Variants in EHD2 observed in about 807,000 individuals in gnomAD.
The protein encoded by EHD2 is EH domain-containing protein 2.
A neutral mutation model predicts 41.0 loss-of-function variants in EHD2; 27 were observed. The ratio of observed to expected loss-of-function variants is 0.66; its 90% CI spans 0.49 to 0.91. The LOEUF is 0.91. EHD2 is among the 40% of genes least tolerant of loss of function. The pLI is 0.00. For synonymous variants in EHD2, 342 were observed against 341.0 expected (o/e 1.00, Z -0.03); for missense variants, 673 against 773.9 (o/e 0.87, Z 1.55).
At chr19:47,732,448 T>G (rs1966882991) in intron 4 of EHD2, among the ~76,000 whole-genome samples, 1 of 151,978 alleles carries the variant, frequency 6.6e-6, no homozygotes, top group Non-Finnish European at 1.5e-5. Context: ...AGACAAAGGC[T>G]CGCTGTGTCG....
rs571409349 is a variant in EHD2, at chr19:47,733,256, G to A, written c.916-3113G>A. Among the ~76,000 whole-genome samples, 572 of 148,066 alleles carry A rather than the reference G, an allele frequency of 3.9e-3. 6 individuals carry two copies. Among genetic ancestry groups the A allele is most frequent in the African/African-American group, 0.014 (554 of 40,348 alleles). On this transcript the variant is annotated intron_variant, in intron 4 of 5. Transcript: ENST00000263277. ...CTGGGGCTCCTTTTTTTTTTTTTGAGACAGTGTCTTGCTCTGTCACCCAGG... is the reference window on the plus strand; with the variant it reads ...CTGGGGCTCCTTTTTTTTTTTTTGAAACAGTGTCTTGCTCTGTCACCCAGG...
chr19:47,719,909 G>T lies in EHD2; in HGVS notation c.502+1303G>T, dbSNP rs1048293447. On this transcript the variant is annotated intron_variant, in intron 3 of 5. Transcript: ENST00000263277. The surrounding 1 kb of genome is among the most constrained non-coding windows in gnomAD (Gnocchi z 4.1). ...TCCCTCCCTGGCCTTGAGGATAGAG[G>T]AAGAGGAGGAGAGAGTGTCCAGCTG... Among the ~76,000 whole-genome samples the T allele has an allele frequency of 1.3e-4, 20 of 151,612 alleles. No individual in the cohort carries two copies. The highest frequency in any genetic ancestry group is 2.8e-4 in the Non-Finnish European group (19 of 67,916).
chr19:47,741,364 C>T lies in EHD2; in HGVS notation c.1564C>T (p.Leu522=). The T allele has an allele frequency of 5.0e-6, 8 of 1,608,070 alleles. No homozygotes were observed. The highest frequency in any genetic ancestry group is 6.8e-6 in the Non-Finnish European group (8 of 1,179,346). ...LIEAKLEGHG[L]PANLPRRLVP... ...CGAGGCCAAGCTGGAAGGCCACGGG[C>T]TGCCCGCCAACCTGCCCCGTCGCCT... Residue 522 remains leucine (L), a synonymous_variant, in exon 6 of 6, where the codon CTG becomes TTG. Transcript: ENST00000263277. The surrounding 1 kb of genome is among the most constrained non-coding windows in gnomAD (Gnocchi z 4.5).
chr19:47,740,693 C>G (rs1426105201), intron 5 of EHD2, among the ~76,000 whole-genome samples, 188 bp from the exon 6 acceptor site: 1 of 152,114 alleles, frequency 6.6e-6, no homozygotes, highest in Non-Finnish European at 1.5e-5. Flanking sequence ...TTGCAGTGAG[C>G]CGAGATTGTG....
At chr19:47,739,427 C>A (rs1199303121) in intron 5 of EHD2, among the ~76,000 whole-genome samples, 1 of 148,188 alleles carries the variant, frequency 6.7e-6, no homozygotes, top group Non-Finnish European at 1.5e-5. Flanking sequence ...ATGGCGAAAC[C>A]CCATCTCTAC....
In EHD2 at chr19:47,728,551, CTCTTTCTTTT is replaced by C. The variant is rs987973216; in HGVS notation, c.915+2337_915+2346del. 4.7e-5 allele frequency among the ~76,000 whole-genome samples: 7 copies of C among 149,872 alleles called. No homozygotes were observed. The South Asian group carries it at 6.3e-4, about 14-fold the overall frequency. ...TCTCTTTCTCTCTTTCTTTCTCTTTCTCTTTCTTTTTCTTTCTTTCTTTTTTTTTTTTTTT... is the reference window on the plus strand; with the variant it reads ...TCTCTTTCTCTCTTTCTTTCTCTTTCTCTTTCTTTCTTTTTTTTTTTTTTT... On this transcript the variant is annotated intron_variant, in intron 4 of 5. Transcript: ENST00000263277.
At position 47,725,987 on chromosome 19, in the gene EHD2, G is replaced by T; in HGVS notation, c.678G>T (p.Thr226=). ...VVLNKADMVE[T]QQLMRVYGAL... ...TCAACAAGGCCGACATGGTGGAGAC[G>T]CAGCAGCTGATGCGCGTCTACGGCG... Residue 226 remains threonine, a synonymous_variant, in exon 4 of 6, where the codon ACG becomes ACT. Coordinates refer to ENST00000263277, the MANE Select transcript of EHD2 (RefSeq NM_014601.4). 4 of 1,611,162 alleles carry T rather than the reference G, an allele frequency of 2.5e-6. No homozygotes were observed. Among genetic ancestry groups the T allele is most frequent in the Non-Finnish European group, 3.4e-6 (4 of 1,177,972 alleles).
At chr19:47,737,002 C>G (rs1007302726) in intron 5 of EHD2, among the ~76,000 whole-genome samples, 51 of 152,092 alleles carry the variant, frequency 3.4e-4, no homozygotes, top group African/African-American at 1.2e-3. Flanking sequence ...GAGGCCGAGG[C>G]GGGCGGATCA....
Position 47,736,257 on chromosome 19 carries a change from C to T in EHD2, c.916-112C>T, listed in dbSNP as rs572613748. On this transcript the variant is annotated intron_variant, in intron 4 of 5. Transcript: ENST00000263277. ...ATAAAAGAAATACAAATTCTCATGC[C>T]CCAGCCCAGACCAAGTAAATCAGAA... 7.0e-4 allele frequency: 688 copies of T among 977,414 alleles called. 1 individual carries two copies. The highest frequency in any genetic ancestry group is 9.4e-4 in the Non-Finnish European group (625 of 666,990). 60.5% of individuals were successfully genotyped at this position (977,414 alleles called of 1,614,324 possible).
Position 47,741,729 on chromosome 19 carries a change from G to C in EHD2, c.*297G>C. 1 of 601,374 alleles carries C rather than the reference G, an allele frequency of 1.7e-6. No homozygotes were observed. Among genetic ancestry groups the C allele is most frequent in the South Asian group, 1.6e-5 (1 of 61,304 alleles). The allele number at this position is 601,374 out of a possible 1,614,324, so 37.3% of individuals were successfully genotyped here. On this transcript the variant is annotated 3_prime_UTR_variant, in exon 6 of 6. Transcript: ENST00000263277. The surrounding 1 kb of genome is among the most constrained non-coding windows in gnomAD (Gnocchi z 4.5). ...TCCGTCATTCATTCAAATATTTATT[G>C]AGCACCTACTATGTGCCCAGCCCTG...
At chr19:47,731,008 C>G (rs893323095) in intron 4 of EHD2, among the ~76,000 whole-genome samples, 2 of 151,054 alleles carry the variant, frequency 1.3e-5, no homozygotes, top group Admixed American at 1.3e-4. Context: ...GAGGGGCTGG[C>G]GAGGGACTAT....
chr19:47,730,473 C>T (rs1469007433), intron 4 of EHD2, among the ~76,000 whole-genome samples: 1 of 152,080 alleles, frequency 6.6e-6, no homozygotes, highest in Non-Finnish European at 1.5e-5. Flanking sequence ...GGCTCACTGC[C>T]CCTCCTTTGC....
intron 5 of EHD2, among the ~76,000 whole-genome samples, chr19:47,738,957 G>A (rs544486482): frequency 3.3e-5 from 5 of 152,164 alleles, no homozygotes; most frequent in Non-Finnish European, 7.3e-5. Context: ...TGGGGAGGGG[G>A]TGGTCCCAGG....
At chr19:47,733,590 C>A (rs1599899758) in intron 4 of EHD2, among the ~76,000 whole-genome samples, 1 of 150,734 alleles carries the variant, frequency 6.6e-6, no homozygotes, top group East Asian at 2.0e-4. Context: ...TGGCGTGAAC[C>A]CGGGAGGTGG....
Position 47,719,818 on chromosome 19 carries a change from C to A in EHD2, c.502+1212C>A, listed in dbSNP as rs1225610135. The stretch of plus-strand genomic sequence containing the variant: ...CAGCGGGAGGGAGAGGCTCTCTCAG[C>A]CAGGGCAGGGGTGCCGGCAGGGGGG... On this transcript the variant is annotated intron_variant, in intron 3 of 5. Coordinates refer to ENST00000263277, the MANE Select transcript of EHD2 (RefSeq NM_014601.4). This position sits in a 1 kb window ranked among gnomAD's most constrained non-coding sequence, Gnocchi z 4.1. Among the ~76,000 whole-genome samples the A allele has an allele frequency of 6.6e-6, 1 of 151,850 alleles. No homozygotes were observed. Among genetic ancestry groups the A allele is most frequent in the Non-Finnish European group, 1.5e-5 (1 of 67,930 alleles).
chr19:47,740,993 G>A lies in EHD2; in HGVS notation c.1193G>A (p.Arg398Gln), dbSNP rs763083660. The A allele has an allele frequency of 2.4e-5, 38 of 1,611,328 alleles. No homozygotes were observed. In the East Asian group the frequency reaches 4.0e-4, roughly 17 times the overall value. Residue 398 changes from arginine (R) to glutamine (Q), a missense_variant, in exon 6 of 6, where the codon CGG (arginine) becomes CAG (glutamine). Physicochemically the swap from Arg to Gln is conservative, Grantham distance 43. Transcript: ENST00000263277. ...HDIAKLMPLL[R>Q]QEELESTEVG... ...ATCGCCAAGCTCATGCCCCTGCTGC[G>A]GCAGGAGGAGCTGGAGAGCACCGAG...
intron 5 of EHD2, among the ~76,000 whole-genome samples, chr19:47,740,040 A>G (rs1467871378): frequency 6.6e-6 from 1 of 151,916 alleles, no homozygotes. Flanking sequence ...GGTTGTTCAG[A>G]TGTTCAAATA....
intron 4 of EHD2, chr19:47,729,541 A>G (rs1304574530): frequency 6.5e-6 from 1 of 152,746 alleles, no homozygotes; most frequent in Non-Finnish European, 1.5e-5. Flanking sequence ...TTTCAGAGCG[A>G]TTTTGGATGT....
At chr19:47,722,779 G>A (rs139908689) in intron 3 of EHD2, among the ~76,000 whole-genome samples, 2,474 of 152,134 alleles carry the variant, frequency 0.016, 22 homozygotes, top group African/African-American at 0.024. Context: ...TGTTGGTCAG[G>A]CTGGTCTCGA....
Sources: gnomAD v4.1 joint callset for allele counts (sites outside exome capture counted in the v4.1 genomes callset) on GRCh38, gnomAD v4.1.1 for gene constraint, Gnocchi (gnomAD v3.1) non-coding constraint, MANE v1.5 for transcripts, NCBI Gene and HGNC (gene_info 2026-07-23, HGNC 2026-07-21) for gene names.